Variants in SLCO3A1 observed in about 807,000 individuals in gnomAD.
The protein encoded by SLCO3A1 is solute carrier organic anion transporter family member 3A1, also known as PGE1 transporter.
Under a neutral mutation model 63.1 loss-of-function variants are expected in SLCO3A1, and 27 were observed. That is an observed-to-expected ratio of 0.43 (90% CI 0.32 to 0.59). The LOEUF (loss-of-function observed/expected upper bound fraction) is 0.59, where lower values mean the gene tolerates loss of function less well. SLCO3A1 is among the 20% of genes least tolerant of loss of function. SLCO3A1 has a pLI of 0.09. For synonymous variants in SLCO3A1, 473 were observed against 409.9 expected, an observed-to-expected ratio of 1.15 and a Z score of -1.86; for missense variants, 773 against 945.8, an observed-to-expected ratio of 0.82 and a Z score of 2.40.
chr15:92,013,010 A>G (rs2046386095), intron 2 of SLCO3A1, among the ~76,000 whole-genome samples: 1 of 152,220 alleles, frequency 6.6e-6, no homozygotes, highest in Non-Finnish European at 1.5e-5. Context: ...ACGGTCCTCC[A>G]GGGAAAATAG....
chr15:91,869,059 G>A (rs921491511), intron 1 of SLCO3A1, among the ~76,000 whole-genome samples: 8 of 152,074 alleles, frequency 5.3e-5, no homozygotes, highest in African/African-American at 1.2e-4. Flanking sequence ...AGAAGTGACC[G>A]TTAACCGCAC....
At chr15:92,128,035 A>C (rs1411899326) in intron 6 of SLCO3A1, among the ~76,000 whole-genome samples, 2 of 152,144 alleles carry the variant, frequency 1.3e-5, no homozygotes, top group Non-Finnish European at 2.9e-5. Flanking sequence ...CATCAATACC[A>C]GTGATAAAAA....
intron 2 of SLCO3A1, among the ~76,000 whole-genome samples, chr15:91,919,031 C>G (rs1898754138): frequency 6.6e-6 from 1 of 152,214 alleles, no homozygotes; most frequent in African/African-American, 2.4e-5. Flanking sequence ...TGAGCTGAGC[C>G]TTCCCTTTGG....
intron 2 of SLCO3A1, among the ~76,000 whole-genome samples, chr15:91,940,241 T>A (rs2151398728): frequency 6.6e-6 from 1 of 152,304 alleles, no homozygotes; most frequent in East Asian, 1.9e-4. Context: ...CCTGTCTGTT[T>A]CTGGTGCCTT....
At chr15:91,949,239 C>T (rs1172991883) in intron 2 of SLCO3A1, among the ~76,000 whole-genome samples, 1 of 152,170 alleles carries the variant, frequency 6.6e-6, no homozygotes, top group African/African-American at 2.4e-5. Flanking sequence ...ACCAGACTGT[C>T]TACCTGGGTT....
chr15:92,147,157 C>T lies in SLCO3A1; in HGVS notation c.1686C>T (p.Ile562=). Residue 562 remains isoleucine (I), a splice_region_variant and synonymous_variant, in exon 8 of 10, where the codon ATC becomes ATT. Transcript: ENST00000318445. ...MAQTPSVIIL[I]RTVSPELKSY... ...AGACACCCTCAGTCATCATCCTCAT[C>T]AGGTAAGCCCTCGGCACAGCCCCGC... is the stretch of plus-strand genomic sequence containing the variant. 1 of 1,610,174 alleles carries T rather than the reference C, an allele frequency of 6.2e-7. No individual in the cohort carries two copies. Among genetic ancestry groups the T allele is most frequent in the Non-Finnish European group, 8.5e-7 (1 of 1,178,050 alleles).
At chr15:92,077,917 G>A (rs536780546) in intron 2 of SLCO3A1, among the ~76,000 whole-genome samples, 19 of 152,156 alleles carry the variant, frequency 1.2e-4, no homozygotes, top group Non-Finnish European at 2.4e-4. Context: ...GGGCTCCTAC[G>A]CAGTTGTGTG....
At chr15:91,977,582 A>T (rs1901167633) in intron 2 of SLCO3A1, among the ~76,000 whole-genome samples, 1 of 152,190 alleles carries the variant, frequency 6.6e-6, no homozygotes, top group Non-Finnish European at 1.5e-5. Flanking sequence ...GCATAGAGTG[A>T]TATAACGAAC....
At chr15:91,993,530 C>T (rs539163282) in intron 2 of SLCO3A1, among the ~76,000 whole-genome samples, 7 of 152,194 alleles carry the variant, frequency 4.6e-5, no homozygotes, top group Non-Finnish European at 7.3e-5. Flanking sequence ...TTCCTCTTTT[C>T]ATCCACACAT....
rs148482561 is a variant in SLCO3A1, at chr15:92,054,075, A to G, written c.647-40806A>G. The stretch of plus-strand genomic sequence containing the variant: ...TGTCAGTATAGACGCATGGAAATCT[A>G]TATTTTGATTTACAATCCAGTACTG... On this transcript the variant is annotated intron_variant, in intron 2 of 9. Coordinates refer to ENST00000318445, the MANE Select transcript of SLCO3A1 (RefSeq NM_013272.4). Among the ~76,000 whole-genome samples, 243 of 152,314 alleles carry G rather than the reference A, an allele frequency of 1.6e-3. 1 individual carries two copies. The highest frequency in any genetic ancestry group is 5.7e-3 in the African/African-American group (235 of 41,568).
At chr15:92,089,390 G>A (rs2047445101) in intron 2 of SLCO3A1, among the ~76,000 whole-genome samples, 1 of 151,464 alleles carries the variant, frequency 6.6e-6, no homozygotes, top group South Asian at 2.1e-4. Flanking sequence ...TCGGTGCAGG[G>A]TGGGGTCTTC....
Position 91,967,718 on chromosome 15 carries a change from C to T in SLCO3A1, c.646+51260C>T, listed in dbSNP as rs1900710499. Among the ~76,000 whole-genome samples the T allele has an allele frequency of 6.6e-6, 1 of 152,192 alleles. No individual in the cohort carries two copies. The highest frequency in any genetic ancestry group is 1.5e-5 in the Non-Finnish European group (1 of 68,032). On this transcript the variant is annotated intron_variant, in intron 2 of 9. Transcript: ENST00000318445. This position sits in a 1 kb window ranked among gnomAD's most constrained non-coding sequence, Gnocchi z 4.4. The stretch of plus-strand genomic sequence containing the variant: ...CCTGTTTTCCTGGATCATATTGTCT[C>T]TCAAATATCAATAGCACAGTTTTTG...
At chr15:92,160,851 G>A (rs2151602907) in intron 9 of SLCO3A1, among the ~76,000 whole-genome samples, 1 of 152,308 alleles carries the variant, frequency 6.6e-6, no homozygotes, top group Non-Finnish European at 1.5e-5. Flanking sequence ...TGCCTTTGGA[G>A]GCCCCACAGA....
In SLCO3A1 at chr15:92,025,212, T is replaced by A. The variant is rs77738522; in HGVS notation, c.647-69669T>A. Among the ~76,000 whole-genome samples, 699 of 152,180 alleles carry A rather than the reference T, an allele frequency of 4.6e-3. 27 individuals carry two copies. The East Asian group carries it at 0.11, about 24-fold the overall frequency. On this transcript the variant is annotated intron_variant, in intron 2 of 9. Transcript: ENST00000318445. ...TAAAAAATTTTTTTCTTGGGTTTTT[T>A]GTTTTGTGTTAGAAGAGTGGTATTT...
At chr15:91,962,100 T>C (rs1900468855) in intron 2 of SLCO3A1, among the ~76,000 whole-genome samples, 1 of 152,188 alleles carries the variant, frequency 6.6e-6, no homozygotes, top group Non-Finnish European at 1.5e-5. Flanking sequence ...GAACAAACTC[T>C]GGCGGTCATA....
chr15:92,151,212 CATTTATA>C, intron 9 of SLCO3A1, 198 bp downstream of exon 9: 1 of 536,410 alleles, frequency 1.9e-6, no homozygotes. Flanking sequence ...ACGAAGTTCT[CATTTATA>C]CCAACTCTTA....
intron 2 of SLCO3A1, among the ~76,000 whole-genome samples, chr15:91,981,274 T>C (rs1011385353): frequency 6.6e-6 from 1 of 152,218 alleles, no homozygotes; most frequent in African/African-American, 2.4e-5. Flanking sequence ...CTTTGTGCCA[T>C]GGCTCACCTC....
intron 2 of SLCO3A1, among the ~76,000 whole-genome samples, chr15:91,988,941 A>C (rs1268190259): frequency 6.6e-6 from 1 of 152,204 alleles, no homozygotes; most frequent in African/African-American, 2.4e-5. Flanking sequence ...CTATGTGTAC[A>C]GTTTTCATCT....
chr15:91,943,208 C>T (rs113937025), intron 2 of SLCO3A1, among the ~76,000 whole-genome samples: 2,080 of 152,204 alleles, frequency 0.014, 54 homozygotes, highest in African/African-American at 0.046. Context: ...GTTGCAAAAC[C>T]GAAACTGCAC....
Sources: gnomAD v4.1 joint callset for allele counts (sites outside exome capture counted in the v4.1 genomes callset) on GRCh38, gnomAD v4.1.1 for gene constraint, Gnocchi (gnomAD v3.1) non-coding constraint, MANE v1.5 for transcripts, NCBI Gene and HGNC (gene_info 2026-07-23, HGNC 2026-07-21) for gene names.